Variants in C1QTNF9B observed in about 807,000 individuals in gnomAD.
C1QTNF9B encodes the protein complement C1q and tumor necrosis factor-related protein 9B.
A neutral mutation model predicts 10.1 loss-of-function variants in C1QTNF9B; 9 were observed. The observed-to-expected ratio is 0.89, with a 90% confidence interval of 0.53 to 1.55. The LOEUF (loss-of-function observed/expected upper bound fraction) is 1.55, where lower values mean the gene tolerates loss of function less well. C1QTNF9B is among the 40% of genes most tolerant of loss of function. The probability of loss-of-function intolerance (pLI) is 0.00; values close to 1 mark genes in which losing one functional copy is unlikely to be tolerated. For missense variants in C1QTNF9B, 196 were observed against 414.4 expected (o/e 0.47, Z 4.58); for synonymous variants, 79 against 159.9 (o/e 0.49, Z 3.82).
intron 1 of C1QTNF9B, 43 bp downstream of exon 3, chr13:23,896,778 G>A: frequency 1.2e-6 from 2 of 1,610,558 alleles, no homozygotes; most frequent in Non-Finnish European, 8.5e-7. Context: ...TGAAAGTAAT[G>A]AAGAGAGAAG....
Position 23,891,324 on chromosome 13 carries a change from T to C in C1QTNF9B, c.967A>G (p.Thr323Ala), listed in dbSNP as rs1161211641. 2.6e-6 allele frequency: 4 copies of C among 1,554,310 alleles called. No individual in the cohort carries two copies. In the East Asian group the frequency reaches 9.0e-5, roughly 35 times the overall value. ...CTGAACAGAAGGAACCCTGTGAAAG[T>C]TGTGTCATCGTCCTCATCAGCAAAC... Residue 323 changes from threonine (T) to alanine (A), a missense_variant, in exon 3 of 3, where the codon ACT (threonine) becomes GCT (alanine). Physicochemically the swap from Thr to Ala is moderately conservative, Grantham distance 58. Transcript: ENST00000382137.
intron 1 of C1QTNF9B, among the ~76,000 whole-genome samples, chr13:23,896,196 C>T (rs1872193752): frequency 6.6e-6 from 1 of 152,184 alleles, no homozygotes; most frequent in Non-Finnish European, 1.5e-5. Context: ...AGAATGGTAC[C>T]CCATTCAGAA....
At chr13:23,896,842 T>C in exon 1 of C1QTNF9B, 1 of 1,613,094 alleles carries the variant, frequency 6.2e-7, no homozygotes, top group Non-Finnish European at 8.5e-7. Context: ...TTGTCACCCT[T>C]CGCTCCGTCT....
chr13:23,897,254 T>C (rs1042189293), upstream of C1QTNF9B: 3 of 498,994 alleles, frequency 6.0e-6, no homozygotes, highest in African/African-American at 5.7e-5. Flanking sequence ...AAAAGCCAAG[T>C]TTAAGGTCAG....
intron 1 of C1QTNF9B, 63 bp downstream of exon 3, chr13:23,896,758 G>A (rs553437220): frequency 1.3e-6 from 2 of 1,599,534 alleles, no homozygotes; most frequent in South Asian, 1.1e-5. Context: ...CAGATGATGA[G>A]TGAATGAGAT....
chr13:23,891,328 G>C, exon 3 of C1QTNF9B: 1 of 1,561,452 alleles, frequency 6.4e-7, no homozygotes, highest in Non-Finnish European at 8.8e-7. Flanking sequence ...TGAAAGTTGT[G>C]TCATCGTCCT....
chr13:23,891,888 G>C, exon 3 of C1QTNF9B: 1 of 1,613,306 alleles, frequency 6.2e-7, no homozygotes, highest in Non-Finnish European at 8.5e-7. Flanking sequence ...GGCCCCTCAG[G>C]ACCAGTGGGA....
exon 3 of C1QTNF9B, chr13:23,891,995 T>G (rs760286643): frequency 2.4e-5 from 38 of 1,613,926 alleles, no homozygotes; most frequent in Non-Finnish European, 3.1e-5. Context: ...GGGGCCATGT[T>G]TTCCTGGGGA....
chr13:23,896,895 G>C (rs1872224226), exon 1 of C1QTNF9B: 1 of 1,614,062 alleles, frequency 6.2e-7, no homozygotes, highest in Non-Finnish European at 8.5e-7. Flanking sequence ...GGGGTTCCCA[G>C]GGATTCCAGG....
chr13:23,894,313 A>C (rs933029748), intron 1 of C1QTNF9B, 112 bp from the exon 4 acceptor site: 1 of 1,015,904 alleles, frequency 9.8e-7, no homozygotes, highest in African/African-American at 1.6e-5. Flanking sequence ...CCCCGCCCTG[A>C]CGGGCACTCT....
intron 2 of C1QTNF9B, among the ~76,000 whole-genome samples, chr13:23,893,070 A>G (rs1223221677): frequency 1.3e-5 from 2 of 152,162 alleles, no homozygotes; most frequent in Admixed American, 1.3e-4. Context: ...CGTCGTTGCA[A>G]GTGTGGACTC....
intron 1 of C1QTNF9B, among the ~76,000 whole-genome samples, chr13:23,895,883 A>C (rs1872183010): frequency 6.6e-6 from 1 of 152,052 alleles, no homozygotes; most frequent in Non-Finnish European, 1.5e-5. Flanking sequence ...GGGGGACTGG[A>C]ACAGTCTCAA....
Position 23,891,333 on chromosome 13 carries a change from C to T in C1QTNF9B, c.958G>A (p.Asp320Asn), listed in dbSNP as rs756198511. 18 of 1,564,030 alleles carry T rather than the reference C, an allele frequency of 1.2e-5. No homozygotes were observed. Among genetic ancestry groups the T allele is most frequent in the Admixed American group, 1.0e-4 (6 of 58,044 alleles). Residue 320 changes from aspartate (D) to asparagine (N), a missense_variant, in exon 3 of 3, where the codon GAT (aspartate) becomes AAT (asparagine). Around this residue, in one of 5 missense-constraint regions of C1QTNF9B, gnomAD observed 72 missense variants for 87.1 expected, o/e 0.83. Coordinates refer to ENST00000382137, the Ensembl canonical transcript of C1QTNF9B. ...AGGAACCCTGTGAAAGTTGTGTCAT[C>T]GTCCTCATCAGCAAACAAGCCATTG...
At position 23,894,148 on chromosome 13, in the gene C1QTNF9B, C is replaced by T. The variant is rs747002586; in HGVS notation, c.220G>A (p.Gly74Arg). The change falls in exon 2 of 3, where the codon GGA becomes AGA. Residue 74 changes from glycine to arginine, a missense_variant. Coordinates refer to ENST00000382137, the Ensembl canonical transcript of C1QTNF9B. ...AATAGGAACTACTAACCTCGTTCTC[C>T]CTTCTCTCCACTCGTCCCATCCTTC... The T allele has an allele frequency of 3.9e-6, 6 of 1,531,232 alleles. No individual in the cohort carries two copies. In the South Asian group the frequency reaches 6.7e-5, roughly 17 times the overall value. The allele number at this position is 1,531,232 out of a possible 1,614,324, so 94.9% of individuals were successfully genotyped here.
At chr13:23,896,539 G>A (rs528400713) in intron 1 of C1QTNF9B, among the ~76,000 whole-genome samples, 142 of 152,286 alleles carry the variant, frequency 9.3e-4, no homozygotes, top group African/African-American at 3.3e-3. Flanking sequence ...AATGTCCTGC[G>A]GTGTCAGAGA....
chr13:23,891,328 G>A lies in C1QTNF9B; in HGVS notation c.963C>T (p.Asp321=), dbSNP rs750878427. ...ACAGAAGGAACCCTGTGAAAGTTGTGTCATCGTCCTCATCAGCAAACAAGC... is the reference window on the plus strand; with the variant it reads ...ACAGAAGGAACCCTGTGAAAGTTGTATCATCGTCCTCATCAGCAAACAAGC... Residue 321 remains aspartate, a synonymous_variant, in exon 3 of 3, where the codon GAC becomes GAT. Transcript: ENST00000382137. 8.5e-5 allele frequency: 133 copies of A among 1,561,340 alleles called. 13 individuals carry two copies. Among genetic ancestry groups the A allele is most frequent in the Non-Finnish European group, 1.1e-4 (131 of 1,141,488 alleles).
exon 1 of C1QTNF9B, chr13:23,897,004 G>C: frequency 6.2e-7 from 1 of 1,613,242 alleles, no homozygotes; most frequent in Non-Finnish European, 8.5e-7. Flanking sequence ...ATGACAGACT[G>C]AACTGAAAGA....
At chr13:23,891,979 C>T (rs1341357815) in exon 3 of C1QTNF9B, 1 of 1,614,054 alleles carries the variant, frequency 6.2e-7, no homozygotes, top group Admixed American at 1.7e-5. Context: ...GCCCTGCAAG[C>T]CCCTTGGGGC....
chr13:23,895,738 TACAC>T (rs1024587991), intron 1 of C1QTNF9B, among the ~76,000 whole-genome samples: 2 of 145,246 alleles, frequency 1.4e-5, no homozygotes, highest in Non-Finnish European at 3.0e-5. Context: ...AGAAATAAAA[TACAC>T]ACAGACACAG....
Sources: gnomAD v4.1 joint callset for allele counts (sites outside exome capture counted in the v4.1 genomes callset) on GRCh38, gnomAD v4.1.1 for gene constraint, gnomAD v4.1.1 regional missense constraint, MANE v1.5 for transcripts, NCBI Gene and HGNC (gene_info 2026-07-23, HGNC 2026-07-21) for gene names.